Variants in KCNG4 observed in about 807,000 individuals in gnomAD.
KCNG4 encodes the protein potassium voltage-gated channel modifier subfamily G member 4.
A neutral mutation model predicts 28.2 loss-of-function variants in KCNG4; 30 were observed. The observed-to-expected ratio is 1.06, with a 90% CI of 0.80 to 1.44. KCNG4 has a LOEUF of 1.44. Among genes scored for constraint, KCNG4 ranks in the 40% most tolerant of loss-of-function variants. The pLI, the probability that KCNG4 is intolerant of heterozygous loss-of-function variation, is 0.00. For missense variants in KCNG4, 879 were observed against 712.3 expected (o/e 1.23, Z -2.66); for synonymous variants, 375 against 315.5 (o/e 1.19, Z -2.00).
At chr16:84,234,969 A>G (rs1904912648) in intron 2 of KCNG4, among the ~76,000 whole-genome samples, 1 of 152,176 alleles carries the variant, frequency 6.6e-6, no homozygotes, top group South Asian at 2.1e-4. Flanking sequence ...CTGGGCACAC[A>G]CACAAAGATG....
intron 2 of KCNG4, among the ~76,000 whole-genome samples, chr16:84,228,803 C>G (rs562756524): frequency 3.3e-5 from 5 of 152,328 alleles, no homozygotes; most frequent in African/African-American, 1.2e-4. Context: ...TTGTGGGCAC[C>G]CGGGAGACCC....
Position 84,219,409 on chromosome 16 carries a change from C to G in KCNG4, c.*2808G>C, listed in dbSNP as rs1161853206. ...GTAAGTGGGAGACTTTGTCCTTTTA[C>G]TATTTTGCCTAAGCGTAGTTATTAA... On this transcript the variant is annotated 3_prime_UTR_variant, in exon 3 of 3. Coordinates refer to ENST00000308251, the MANE Select transcript of KCNG4 (RefSeq NM_172347.3). 6.6e-6 allele frequency: 1 copy of G among 152,268 alleles called. No homozygotes were observed. The highest frequency in any genetic ancestry group is 1.5e-5 in the Non-Finnish European group (1 of 68,070). The allele number at this position is 152,268 out of a possible 1,614,324, so 9.4% of individuals were successfully genotyped here.
In KCNG4 at chr16:84,220,298, A is replaced by C. The variant is rs1017587415; in HGVS notation, c.*1919T>G. On this transcript the variant is annotated 3_prime_UTR_variant, in exon 3 of 3. Transcript: ENST00000308251. Reference sequence around the variant, plus strand: ...TCACCTGGTGACATGTCAGCTTGGGAAAGATTGGGGTCTAAAAGAATGGGG... The same window carrying C: ...TCACCTGGTGACATGTCAGCTTGGGCAAGATTGGGGTCTAAAAGAATGGGG... 6.6e-6 allele frequency: 1 copy of C among 152,002 alleles called. No homozygotes were observed. The highest frequency in any genetic ancestry group is 1.5e-5 in the Non-Finnish European group (1 of 68,022). The allele number at this position is 152,002 out of a possible 1,614,324, so 9.4% of individuals were successfully genotyped here. A position where few individuals can be genotyped will look rare whatever the true frequency, so the allele number is the denominator to read the frequency against.
intron 2 of KCNG4, among the ~76,000 whole-genome samples, chr16:84,232,216 G>A (rs190501510): frequency 7.4e-4 from 113 of 152,174 alleles, no homozygotes; most frequent in African/African-American, 2.6e-3. Context: ...AACCAATAGT[G>A]GCATATACAT....
intron 1 of KCNG4, among the ~76,000 whole-genome samples, chr16:84,239,254 C>T (rs1040417214): frequency 6.6e-6 from 1 of 152,224 alleles, no homozygotes; most frequent in Non-Finnish European, 1.5e-5. Context: ...GAATGCATTA[C>T]TTTGCTCACA....
At chr16:84,225,258 G>T (rs1904671149) in intron 2 of KCNG4, among the ~76,000 whole-genome samples, 1 of 151,410 alleles carries the variant, frequency 6.6e-6, no homozygotes, top group Non-Finnish European at 1.5e-5. Context: ...GATCCTGAAG[G>T]GCTCAGAAGT....
At chr16:84,225,904 G>A (rs1904685484) in intron 2 of KCNG4, among the ~76,000 whole-genome samples, 2 of 152,216 alleles carry the variant, frequency 1.3e-5, no homozygotes, top group Non-Finnish European at 2.9e-5. Flanking sequence ...CAGAAATGCT[G>A]GCATTGGGGC....
At position 84,221,752 on chromosome 16, in the gene KCNG4, C is replaced by A. The variant is rs111841509; in HGVS notation, c.*465G>T. On this transcript the variant is annotated 3_prime_UTR_variant, in exon 3 of 3. Coordinates refer to ENST00000308251, the MANE Select transcript of KCNG4 (RefSeq NM_172347.3). ...CCGTGGAAAGGTTGGGTGGGGAGAT[C>A]TGATTAGAGGGGTTTGCAGTGACTG... 1.8e-5 allele frequency: 3 copies of A among 162,180 alleles called. No individual in the cohort carries two copies. Among genetic ancestry groups the A allele is most frequent in the Admixed American group, 1.7e-4 (3 of 17,418 alleles). 10.0% of individuals were successfully genotyped at this position (162,180 alleles called of 1,614,324 possible).
rs558682713 is a variant in KCNG4, at chr16:84,229,036, C to T, written c.757-6016G>A. 3.9e-5 allele frequency among the ~76,000 whole-genome samples: 6 copies of T among 151,962 alleles called. No individual in the cohort carries two copies. In the South Asian group the frequency reaches 6.2e-4, roughly 16 times the overall value. ...CCACTGGGCTGGGCATGGTGGCTCA[C>T]GCCTGTAATCCCAGCACTTCGGGAG... is the stretch of plus-strand genomic sequence containing the variant. On this transcript the variant is annotated intron_variant, in intron 2 of 2. Coordinates refer to ENST00000308251, the MANE Select transcript of KCNG4 (RefSeq NM_172347.3).
At position 84,236,963 on chromosome 16, in the gene KCNG4, G is replaced by T; in HGVS notation, c.523C>A (p.Leu175Met). Residue 175 changes from leucine to methionine, a missense_variant, in exon 2 of 3, where the codon CTG becomes ATG. Coordinates refer to ENST00000308251, the MANE Select transcript of KCNG4 (RefSeq NM_172347.3). The part of the protein sequence containing the change: ...LLRKLEELEE[L>M]AKLHREDVLR... The stretch of plus-strand genomic sequence containing the variant: ...ACGTCCTCCCTGTGCAGCTTGGCCA[G>T]CTCCTCCAGCTCCTCCAGCTTCCTC... 1 of 1,613,184 alleles carries T rather than the reference G, an allele frequency of 6.2e-7. No homozygotes were observed. Among genetic ancestry groups the T allele is most frequent in the Non-Finnish European group, 8.5e-7 (1 of 1,179,684 alleles).
chr16:84,235,984 C>T (rs1270512632), intron 2 of KCNG4: 2 of 152,150 alleles, frequency 1.3e-5, no homozygotes, highest in Non-Finnish European at 2.9e-5. Context: ...TCCTGTAACT[C>T]CCTGCAAAGG....
rs1904537781 is a variant in KCNG4, at chr16:84,220,729, T to C, written c.*1488A>G. 6.6e-6 allele frequency: 1 copy of C among 152,236 alleles called. No individual in the cohort carries two copies. The highest frequency in any genetic ancestry group is 2.1e-4 in the South Asian group (1 of 4,832). 9.4% of individuals were successfully genotyped at this position (152,236 alleles called of 1,614,324 possible). On this transcript the variant is annotated 3_prime_UTR_variant, in exon 3 of 3. Coordinates refer to ENST00000308251, the MANE Select transcript of KCNG4 (RefSeq NM_172347.3). ...AAGTGCCATCAGGATGTCTCCAAGG[T>C]GTGTCCTGCTGGGAGAAGCCAGGAT...
At chr16:84,233,833 G>A (rs1318809624) in intron 2 of KCNG4, among the ~76,000 whole-genome samples, 1 of 152,198 alleles carries the variant, frequency 6.6e-6, no homozygotes, top group African/African-American at 2.4e-5. Flanking sequence ...GTGTTGTGTA[G>A]TCATAGGGGG....
chr16:84,220,226 A>G lies in KCNG4; in HGVS notation c.*1991T>C, dbSNP rs892667712. The G allele has an allele frequency of 4.6e-5, 7 of 152,110 alleles. No homozygotes were observed. The highest frequency in any genetic ancestry group is 1.0e-4 in the Non-Finnish European group (7 of 68,030). The allele number at this position is 152,110 out of a possible 1,614,324, so 9.4% of individuals were successfully genotyped here. A position where few individuals can be genotyped will look rare whatever the true frequency, so the allele number is the denominator to read the frequency against. On this transcript the variant is annotated 3_prime_UTR_variant, in exon 3 of 3. Transcript: ENST00000308251. ...AGTGGCCATCCAGGCTGGGGATTTT[A>G]TAGGGTGAAGGGGCTTTCCTTGTGT...
chr16:84,238,020 T>C (rs781410142), intron 1 of KCNG4, among the ~76,000 whole-genome samples: 7 of 152,194 alleles, frequency 4.6e-5, no homozygotes, highest in Non-Finnish European at 1.0e-4. Context: ...CACAGGTGGG[T>C]TACTCAGTGT....
Position 84,237,239 on chromosome 16 carries a change from T to C in KCNG4, c.247A>G (p.Ser83Gly), listed in dbSNP as rs756720317. 6.2e-7 allele frequency: 1 copy of C among 1,614,038 alleles called. No homozygotes were observed. Among genetic ancestry groups the C allele is most frequent in the Non-Finnish European group, 8.5e-7 (1 of 1,180,010 alleles). ...PWSTLDRFPL[S>G]RLSKLRLCRS... ...CAGAGCCTGAGTTTGCTCAGGCGGC[T>C]CAGCGGGAACCGGTCCAGTGTGCTC... The change falls in exon 2 of 3, where the codon AGC (serine) becomes GGC (glycine). Residue 83 changes from serine to glycine, a missense_variant. By Grantham distance (56) the Ser-to-Gly change is moderately conservative (BLOSUM62 0). Transcript: ENST00000308251.
chr16:84,222,874 C>G lies in KCNG4; in HGVS notation c.903G>C (p.Leu301=), dbSNP rs1904610365. The stretch of plus-strand genomic sequence containing the variant: ...GCGACACGTAGTATGGGGAGATGGC[C>G]AGGATGTCGATGATGTTCAGGGGCC... ...FQGPLNIIDI[L]AISPYYVSLA... The change falls in exon 3 of 3, where the codon CTG becomes CTC. Residue 301 remains leucine, a synonymous_variant. Coordinates refer to ENST00000308251, the MANE Select transcript of KCNG4 (RefSeq NM_172347.3). 1 of 1,612,254 alleles carries G rather than the reference C, an allele frequency of 6.2e-7. No homozygotes were observed. The highest frequency in any genetic ancestry group is 1.3e-5 in the African/African-American group (1 of 75,010).
chr16:84,232,457 A>T (rs244807), intron 2 of KCNG4, among the ~76,000 whole-genome samples: 78,122 of 151,952 alleles, frequency 0.51, 20,764 homozygotes, highest in African/African-American at 0.64. Flanking sequence ...CCTAGTTGGG[A>T]CAGGGTTTTC....
rs1301333983 is a variant in KCNG4 at position 84,232,735 on chromosome 16, C to A, written c.756+3995G>T. Among the ~76,000 whole-genome samples, 4 of 151,754 alleles carry A rather than the reference C, an allele frequency of 2.6e-5. No individual in the cohort carries two copies. In the South Asian group the frequency reaches 6.3e-4, roughly 24 times the overall value. ...GCCCACATGGTGAAACCCATCTCTA[C>A]AAAATGTACAAAAATTAGCCAGGCG... On this transcript the variant is annotated intron_variant, in intron 2 of 2. Transcript: ENST00000308251.
Sources: allele counts gnomAD v4.1 joint callset (sites outside exome capture counted in the v4.1 genomes callset), GRCh38; gene constraint gnomAD v4.1.1; transcripts MANE v1.5; gene names NCBI Gene and HGNC (gene_info 2026-07-23, HGNC 2026-07-21).